DNAJC6: variants seen among roughly 807,000 people sequenced by gnomAD.
DNAJC6 encodes the protein auxilin.
In DNAJC6, 34 loss-of-function variants were observed where a neutral mutation model predicts 110.0. The ratio of observed to expected loss-of-function variants is 0.31; its 90% confidence interval spans 0.24 to 0.41. The LOEUF (loss-of-function observed/expected upper bound fraction) is 0.41, where lower values mean the gene tolerates loss of function less well. Among genes scored for constraint, DNAJC6 ranks in the 10% least tolerant of loss-of-function variants. DNAJC6 has a pLI of 1.00. For missense variants in DNAJC6, 1,031 were observed against 1,207.8 expected, an observed-to-expected ratio of 0.85 and a Z score of 2.17; for synonymous variants, 406 against 437.2, an observed-to-expected ratio of 0.93 and a Z score of 0.89.
intron 1 of DNAJC6, among the ~76,000 whole-genome samples, chr1:65,331,460 T>C (rs1357463606): frequency 6.6e-6 from 1 of 152,174 alleles, no homozygotes; most frequent in Non-Finnish European, 1.5e-5. Flanking sequence ...GATAACTAAT[T>C]CTAAATTTAC....
chr1:65,409,028 CTGGTTCA>C (rs1284411438), intron 17 of DNAJC6, among the ~76,000 whole-genome samples: 23 of 152,204 alleles, frequency 1.5e-4, no homozygotes, highest in African/African-American at 4.6e-4. Context: ...GGCCATCTTC[CTGGTTCA>C]TGGATGGTGG....
At chr1:65,349,417 C>G (rs1301598961) in intron 1 of DNAJC6, among the ~76,000 whole-genome samples, 1 of 152,008 alleles carries the variant, frequency 6.6e-6, no homozygotes, top group Non-Finnish European at 1.5e-5. Context: ...ATTTCTGGTA[C>G]ACTTCATCCT....
At chr1:65,389,663 A>G in intron 11 of DNAJC6, 36 bp downstream of exon 11, 1 of 1,600,142 alleles carries the variant, frequency 6.2e-7, no homozygotes, top group Non-Finnish European at 8.6e-7. Context: ...ACATGGTTTG[A>G]TGATTATGTA....
intron 4 of DNAJC6, among the ~76,000 whole-genome samples, chr1:65,373,597 C>A (rs1441615289): frequency 6.7e-6 from 1 of 149,600 alleles, no homozygotes; most frequent in African/African-American, 2.5e-5. Flanking sequence ...TCTGTTAATT[C>A]TCTTCAACTC....
chr1:65,271,926 G>A (rs1653520010), intron 1 of DNAJC6, among the ~76,000 whole-genome samples: 1 of 151,532 alleles, frequency 6.6e-6, no homozygotes, highest in Non-Finnish European at 1.5e-5. Flanking sequence ...CCTTATTTCA[G>A]TGACCTTGCT....
chr1:65,401,868 C>T lies in DNAJC6; in HGVS notation c.2215C>T (p.Leu739Phe), dbSNP rs1436953089. 6.2e-7 allele frequency: 1 copy of T among 1,613,536 alleles called. No individual in the cohort carries two copies. Among genetic ancestry groups the T allele is most frequent in the Non-Finnish European group, 8.5e-7 (1 of 1,179,868 alleles). ...CCAGACTCTGGATCCTTTTGCCGAC[C>T]TTGGGACACTAGGTACAAACTCAGA... ...KPQTLDPFADLGTLGSSSFAS... is the reference protein window; with the variant it reads ...KPQTLDPFADFGTLGSSSFAS... Residue 739 changes from leucine (L) to phenylalanine (F), a missense_variant, in exon 15 of 19, where the codon CTT becomes TTT. Coordinates refer to ENST00000371069, the MANE Select transcript of DNAJC6 (RefSeq NM_001256864.2).
chr1:65,320,671 G>A (rs1406208007), intron 1 of DNAJC6, among the ~76,000 whole-genome samples: 2 of 152,200 alleles, frequency 1.3e-5, no homozygotes, highest in African/African-American at 4.8e-5. Flanking sequence ...TACAGTAGAC[G>A]ATAAGATAGA....
chr1:65,365,598 G>T (rs1281682672), intron 2 of DNAJC6, among the ~76,000 whole-genome samples: 1 of 152,080 alleles, frequency 6.6e-6, no homozygotes, highest in Non-Finnish European at 1.5e-5. Flanking sequence ...AGAACAATTG[G>T]TGTTGATAAA....
chr1:65,410,449 C>A (rs576412197), intron 17 of DNAJC6, among the ~76,000 whole-genome samples: 1 of 152,118 alleles, frequency 6.6e-6, no homozygotes, highest in South Asian at 2.1e-4. Flanking sequence ...TAGGCAAATT[C>A]GGACAGTTTC....
chr1:65,371,212 T>A (rs1342364999), intron 4 of DNAJC6, among the ~76,000 whole-genome samples: 1 of 152,188 alleles, frequency 6.6e-6, no homozygotes, highest in Non-Finnish European at 1.5e-5. Flanking sequence ...TTTATTTTTT[T>A]AAACTGAGAT....
chr1:65,394,097 G>C (rs1384584830), intron 12 of DNAJC6, among the ~76,000 whole-genome samples: 1 of 137,762 alleles, frequency 7.3e-6, no homozygotes, highest in Non-Finnish European at 1.5e-5. Context: ...CAAGATCCAA[G>C]ATATCAGTAC....
At chr1:65,315,171 TTCTC>T (rs1330793394) in intron 1 of DNAJC6, among the ~76,000 whole-genome samples, 1 of 152,236 alleles carries the variant, frequency 6.6e-6, no homozygotes, top group Non-Finnish European at 1.5e-5. Flanking sequence ...CAGGTACTAA[TTCTC>T]TCTTAGTCTT....
chr1:65,412,982 C>T lies in DNAJC6; in HGVS notation c.2870C>T (p.Ala957Val), dbSNP rs747087457. 6.2e-7 allele frequency: 1 copy of T among 1,614,052 alleles called. No individual in the cohort carries two copies. The highest frequency in any genetic ancestry group is 8.5e-7 in the Non-Finnish European group (1 of 1,179,988). ...AKMIFMELND[A>V]WSEFENQGQK... ...ATGATTTTCATGGAGCTCAATGATG[C>T]CTGGTCTGAATTTGAAAACCAAGGC... The change falls in exon 19 of 19, where the codon GCC becomes GTC. Residue 957 changes from alanine to valine, a missense_variant. Ala to Val is a moderately conservative substitution (Grantham distance 64). Transcript: ENST00000371069.
intron 5 of DNAJC6, 22 bp downstream of exon 5, chr1:65,379,546 G>T: frequency 6.2e-7 from 1 of 1,613,246 alleles, no homozygotes; most frequent in Non-Finnish European, 8.5e-7. Flanking sequence ...TTTGTTGTTG[G>T]TGGTGATGGT....
chr1:65,321,864 A>G (rs1479612189), intron 1 of DNAJC6, among the ~76,000 whole-genome samples: 1 of 152,210 alleles, frequency 6.6e-6, no homozygotes, highest in African/African-American at 2.4e-5. Flanking sequence ...TATATCAGCT[A>G]CTTTAGGAAG....
At chr1:65,281,704 G>A (rs940664646) in intron 1 of DNAJC6, among the ~76,000 whole-genome samples, 1 of 151,906 alleles carries the variant, frequency 6.6e-6, no homozygotes, top group African/African-American at 2.4e-5. Flanking sequence ...CACCTCCTGC[G>A]TTCACACCAT....
At chr1:65,285,797 C>T (rs1436250772) in intron 1 of DNAJC6, among the ~76,000 whole-genome samples, 2 of 152,058 alleles carry the variant, frequency 1.3e-5, no homozygotes, top group African/African-American at 4.8e-5. Context: ...CTCAGCCTCC[C>T]GTGTAGCTGC....
chr1:65,292,640 G>T (rs1445865010), intron 1 of DNAJC6, among the ~76,000 whole-genome samples: 3 of 151,906 alleles, frequency 2.0e-5, no homozygotes, highest in Non-Finnish European at 4.4e-5. Context: ...TCATCATGTT[G>T]CCTAGGCTGG....
rs1376721050 is a variant in DNAJC6, at chr1:65,405,698, G to T, written c.2228-172G>T. Among the ~76,000 whole-genome samples the T allele has an allele frequency of 2.0e-5, 3 of 152,072 alleles. No individual in the cohort carries two copies. The East Asian group carries it at 5.8e-4, about 29-fold the overall frequency. ...AACATACCTAGAAATGTTATTGTGG[G>T]GATGAAGGAAATAATATGTATGCCT... is the stretch of plus-strand genomic sequence containing the variant. On this transcript the variant is annotated intron_variant, in intron 15 of 18. Coordinates refer to ENST00000371069, the MANE Select transcript of DNAJC6 (RefSeq NM_001256864.2).
Sources: allele counts gnomAD v4.1 joint callset (sites outside exome capture counted in the v4.1 genomes callset), GRCh38; gene constraint gnomAD v4.1.1; transcripts MANE v1.5; gene names NCBI Gene and HGNC (gene_info 2026-07-23, HGNC 2026-07-21).